Variants in LRGUK observed in about 807,000 individuals in gnomAD.
LRGUK encodes the protein leucine rich repeats and guanylate kinase domain containing.
Under a neutral mutation model 76.0 loss-of-function variants are expected in LRGUK, and 65 were observed. The observed-to-expected ratio is 0.85, with a 90% CI of 0.70 to 1.05. The LOEUF (loss-of-function observed/expected upper bound fraction) is 1.05, where lower values mean the gene tolerates loss of function less well. LRGUK is among the 50% of genes least tolerant of loss of function. The pLI, the probability that LRGUK is intolerant of heterozygous loss-of-function variation, is 0.00. For synonymous variants in LRGUK, 268 were observed against 265.6 expected (o/e 1.01, Z -0.09); for missense variants, 758 against 732.8 (o/e 1.03, Z -0.40).
At chr7:134,252,096 A>C (rs961114003) in intron 18 of LRGUK, among the ~76,000 whole-genome samples, 1 of 152,000 alleles carries the variant, frequency 6.6e-6, no homozygotes. Flanking sequence ...TACTTTGGGA[A>C]GGCAAGGTAG....
chr7:134,183,625 T>C, intron 10 of LRGUK, 109 bp from the exon 11 acceptor site: 1 of 1,206,484 alleles, frequency 8.3e-7, no homozygotes, highest in Non-Finnish European at 1.2e-6. Flanking sequence ...ACGCAGGGTC[T>C]TATATAGCAA....
intron 16 of LRGUK, among the ~76,000 whole-genome samples, chr7:134,233,912 G>A (rs984581930): frequency 1.3e-5 from 2 of 152,248 alleles, no homozygotes; most frequent in Non-Finnish European, 2.9e-5. Context: ...ATGTGGTTGA[G>A]GACAGCTTTG....
chr7:134,143,237 A>G, intron 4 of LRGUK, 75 bp downstream of exon 4: 3 of 819,598 alleles, frequency 3.7e-6, no homozygotes, highest in Middle Eastern at 2.4e-4. Flanking sequence ...ATAGCACTCA[A>G]ATAGAGAATT....
chr7:134,263,386 G>A (rs1237409650), intron 19 of LRGUK, among the ~76,000 whole-genome samples: 1 of 69,050 alleles, frequency 1.4e-5, no homozygotes, highest in Non-Finnish European at 3.8e-5. Flanking sequence ...AGCTTCTATA[G>A]GAAGAACTTC....
At chr7:134,170,270 A>G (rs1443782284) in intron 7 of LRGUK, among the ~76,000 whole-genome samples, 1 of 151,898 alleles carries the variant, frequency 6.6e-6, no homozygotes, top group Non-Finnish European at 1.5e-5. Flanking sequence ...GTCTATCAAT[A>G]TTTTTCTTTG....
intron 10 of LRGUK, among the ~76,000 whole-genome samples, chr7:134,181,597 G>C (rs1486252168): frequency 1.3e-5 from 2 of 151,148 alleles, no homozygotes; most frequent in Non-Finnish European, 3.0e-5. Flanking sequence ...CTGTTCCTTT[G>C]GTTTTCATCT....
At chr7:134,275,124 T>A in the LRGUK span, among the ~76,000 whole-genome samples, 1 of 152,264 alleles carries the variant, frequency 6.6e-6, no homozygotes, top group Non-Finnish European at 1.5e-5. Flanking sequence ...GGTATTTAAT[T>A]TTTTTCATTT....
chr7:134,173,213 T>C (rs959278130), intron 7 of LRGUK, among the ~76,000 whole-genome samples: 1 of 152,214 alleles, frequency 6.6e-6, no homozygotes, highest in Admixed American at 6.5e-5. Flanking sequence ...ACAAGATTAA[T>C]GTGTTCAGGT....
intron 8 of LRGUK, among the ~76,000 whole-genome samples, chr7:134,175,463 C>T (rs1174422525): frequency 6.6e-6 from 1 of 152,182 alleles, no homozygotes; most frequent in Non-Finnish European, 1.5e-5. Flanking sequence ...AAAAGCATTT[C>T]TGGAAAAGTA....
At chr7:134,187,273 A>G (rs1456649521) in intron 11 of LRGUK, among the ~76,000 whole-genome samples, 1 of 152,168 alleles carries the variant, frequency 6.6e-6, no homozygotes, top group African/African-American at 2.4e-5. Flanking sequence ...TATCCAACAT[A>G]AGTTTTATTG....
intron 17 of LRGUK, among the ~76,000 whole-genome samples, chr7:134,248,479 A>T (rs925227693): frequency 6.6e-6 from 1 of 152,244 alleles, no homozygotes; most frequent in Non-Finnish European, 1.5e-5. Context: ...AGACTTGCAT[A>T]CAGCACATAT....
rs551216035 is a variant in LRGUK at position 134,128,146 on chromosome 7, T to G, written c.297+482T>G. ...AAAAAAAATCCGCTTTTGAAAGTGC[T>G]TCTTCAAAGACTAAGTGACTTAAAA... On this transcript the variant is annotated intron_variant, in intron 1 of 15. Transcript: ENST00000645682. Among the ~76,000 whole-genome samples, 5 of 151,738 alleles carry G rather than the reference T, an allele frequency of 3.3e-5. No homozygotes were observed. The South Asian group carries it at 1.0e-3, about 32-fold the overall frequency.
At chr7:134,265,405 C>T (rs747734488), downstream of LRGUK, among the ~76,000 whole-genome samples, 11 of 152,122 alleles carry the variant, frequency 7.2e-5, no homozygotes, top group Non-Finnish European at 7.3e-5. Flanking sequence ...TGAGTAACAA[C>T]ATGGTGGTGA....
chr7:134,224,760 G>A (rs1255495224), intron 16 of LRGUK, among the ~76,000 whole-genome samples: 1 of 152,044 alleles, frequency 6.6e-6, no homozygotes, highest in Non-Finnish European at 1.5e-5. Flanking sequence ...TAATTAAAGA[G>A]AGTGCTGGTT....
At chr7:134,170,540 C>G (rs1352739521) in intron 7 of LRGUK, among the ~76,000 whole-genome samples, 1 of 152,016 alleles carries the variant, frequency 6.6e-6, no homozygotes, top group African/African-American at 2.4e-5. Flanking sequence ...GTAGAATTGT[C>G]ACATTTCTAA....
chr7:134,165,940 G>GA (rs1243548116), intron 7 of LRGUK, among the ~76,000 whole-genome samples: 5 of 151,948 alleles, frequency 3.3e-5, no homozygotes, highest in African/African-American at 1.2e-4. Flanking sequence ...GAGGCTCCAT[G>GA]AAAAAAAAGT....
At chr7:134,174,503 C>G in intron 7 of LRGUK, 53 bp from the exon 8 acceptor site, 1 of 1,116,352 alleles carries the variant, frequency 9.0e-7, no homozygotes, top group South Asian at 1.3e-5. Context: ...ATTATGTTTT[C>G]TATTGTCTTT....
At chr7:134,261,345 T>C (rs1290486871) in intron 19 of LRGUK, among the ~76,000 whole-genome samples, 4 of 152,218 alleles carry the variant, frequency 2.6e-5, no homozygotes, top group Non-Finnish European at 4.4e-5. Context: ...TCATTTTGGT[T>C]TGGCCCTACA....
At chr7:134,217,603 C>T (rs1388900768) in intron 15 of LRGUK, among the ~76,000 whole-genome samples, 4 of 151,964 alleles carry the variant, frequency 2.6e-5, no homozygotes, top group African/African-American at 9.7e-5. Context: ...TTATTCTTTT[C>T]TTAGAAGCAC....
Sources: gnomAD v4.1 joint callset for allele counts (sites outside exome capture counted in the v4.1 genomes callset) on GRCh38, gnomAD v4.1.1 for gene constraint, MANE v1.5 for transcripts, NCBI Gene and HGNC (gene_info 2026-07-23, HGNC 2026-07-21) for gene names.